The following SGSM2 variants were observed in gnomAD, a reference collection of about 807,000 sequenced individuals.
SGSM2 encodes RUN and TBC1 domain containing 1.
In SGSM2, 89 loss-of-function variants were observed where a neutral mutation model predicts 126.6. The ratio of observed to expected loss-of-function variants is 0.70; its 90% CI spans 0.59 to 0.84. SGSM2 has a LOEUF of 0.84. Among genes scored for constraint, SGSM2 ranks in the 40% least tolerant of loss-of-function variants. The probability of loss-of-function intolerance (pLI) is 0.00; values close to 1 mark genes in which losing one functional copy is unlikely to be tolerated. For synonymous variants in SGSM2, 614 were observed against 574.3 expected (o/e 1.07, Z -0.99); for missense variants, 1,404 against 1,416.6 (o/e 0.99, Z 0.14).
chr17:2,357,009 T>C (rs954958227), intron 2 of SGSM2, among the ~76,000 whole-genome samples: 2 of 151,846 alleles, frequency 1.3e-5, no homozygotes, highest in African/African-American at 2.4e-5. Flanking sequence ...AATGGTGGAA[T>C]TGGGGTGTAA....
At position 2,361,800 on chromosome 17, in the gene SGSM2, G is replaced by A; in HGVS notation, c.296+1G>A. 6.2e-7 allele frequency: 1 copy of A among 1,601,628 alleles called. No individual in the cohort carries two copies. Among genetic ancestry groups the A allele is most frequent in the Non-Finnish European group, 8.5e-7 (1 of 1,174,020 alleles). ...AGCTGCAGCAACAAGCAGAGGGCAG[G>A]TGAGCCCTGGGCCAGCCCCTTCTTC... is the stretch of plus-strand genomic sequence containing the variant. On this transcript the variant is annotated splice_donor_variant, in intron 3 of 23. Transcript: ENST00000268989. LOFTEE classifies it high-confidence loss of function.
At chr17:2,342,741 GC>G (rs897795992) in intron 1 of SGSM2, among the ~76,000 whole-genome samples, 2 of 127,578 alleles carry the variant, frequency 1.6e-5, no homozygotes, top group African/African-American at 5.6e-5. Flanking sequence ...ACTTTGGGAG[GC>G]CGGGCGGGTG....
chr17:2,368,425 C>G (rs1048844114), intron 12 of SGSM2, among the ~76,000 whole-genome samples: 4 of 152,152 alleles, frequency 2.6e-5, no homozygotes, highest in South Asian at 2.1e-4. Context: ...TCCCATGCTA[C>G]AAAATCAATT....
At chr17:2,369,337 CA>C (rs1439389296) in intron 12 of SGSM2, among the ~76,000 whole-genome samples, 1 of 152,182 alleles carries the variant, frequency 6.6e-6, no homozygotes, top group African/African-American at 2.4e-5. Flanking sequence ...CCCCACAGAG[CA>C]GATGCTATTC....
Position 2,372,042 on chromosome 17 carries a change from C to T in SGSM2, c.1578-148C>T. The T allele has an allele frequency of 1.1e-6, 1 of 911,572 alleles. No homozygotes were observed. Among genetic ancestry groups the T allele is most frequent in the South Asian group, 1.5e-5 (1 of 65,960 alleles). The allele number at this position is 911,572 out of a possible 1,614,324, so 56.5% of individuals were successfully genotyped here. On this transcript the variant is annotated intron_variant, in intron 13 of 23. Coordinates refer to ENST00000268989, the MANE Select transcript of SGSM2 (RefSeq NM_014853.3). This position sits in a 1 kb window ranked among gnomAD's most constrained non-coding sequence, Gnocchi z 6.0. ...CAGGTGGCAGGCAGGGACAGGGCAC[C>T]CACTGACGGCTGCTGGGCTGCGGCT...
intron 20 of SGSM2, 52 bp from the exon 21 acceptor site, chr17:2,376,907 C>T: frequency 6.2e-7 from 1 of 1,600,850 alleles, no homozygotes; most frequent in Non-Finnish European, 8.6e-7. Flanking sequence ...TGGGAGCCGG[C>T]TCTGTCCCCT....
At chr17:2,353,338 A>G (rs1041373854) in intron 2 of SGSM2, among the ~76,000 whole-genome samples, 1 of 152,120 alleles carries the variant, frequency 6.6e-6, no homozygotes, top group African/African-American at 2.4e-5. Flanking sequence ...TCTGATTCAC[A>G]CCTAGATTGG....
chr17:2,379,401 C>T (rs1479047342), intron 23 of SGSM2, 31 bp from the exon 24 acceptor site: 3 of 1,593,938 alleles, frequency 1.9e-6, no homozygotes, highest in South Asian at 1.1e-5. Context: ...TTTCTCTGGG[C>T]CTCTCTACAG....
chr17:2,373,467 G>T lies in SGSM2; in HGVS notation c.2054G>T (p.Ser685Ile). The T allele has an allele frequency of 6.3e-7, 1 of 1,599,284 alleles. No individual in the cohort carries two copies. Among genetic ancestry groups the T allele is most frequent in the Non-Finnish European group, 8.5e-7 (1 of 1,176,138 alleles). ...TKFSSGSSID[S>I]HVQRLIHRDS... ...TTCTCCTCAGGCAGCAGCATCGACAGCCACGTGCAGCGCCTCATCCACCGA... is the reference window on the plus strand; with the variant it reads ...TTCTCCTCAGGCAGCAGCATCGACATCCACGTGCAGCGCCTCATCCACCGA... Residue 685 changes from serine to isoleucine, a missense_variant, in exon 17 of 24, where the codon AGC (serine) becomes ATC (isoleucine). Ser to Ile is a moderately radical substitution (Grantham distance 142). Transcript: ENST00000268989.
Position 2,367,212 on chromosome 17 carries a change from C to G in SGSM2, c.1289-59C>G, listed in dbSNP as rs1254548606. 1 of 1,550,354 alleles carries G rather than the reference C, an allele frequency of 6.5e-7. No individual in the cohort carries two copies. The highest frequency in any genetic ancestry group is 2.3e-5 in the East Asian group (1 of 43,398). ...ATTCCACTCCCCTTAAGGAGGGAGTCCGTCCTGCCCAGGGATGAGGGCCTC... is the reference window on the plus strand; with the variant it reads ...ATTCCACTCCCCTTAAGGAGGGAGTGCGTCCTGCCCAGGGATGAGGGCCTC... On this transcript the variant is annotated intron_variant, in intron 11 of 23. Coordinates refer to ENST00000268989, the MANE Select transcript of SGSM2 (RefSeq NM_014853.3). This position sits in a 1 kb window ranked among gnomAD's most constrained non-coding sequence, Gnocchi z 4.0.
chr17:2,366,468 T>C (rs1002298745), intron 11 of SGSM2: 4 of 152,198 alleles, frequency 2.6e-5, no homozygotes, highest in South Asian at 4.1e-4. Context: ...GTCTCTGTAT[T>C]AGGGACCGGA....
chr17:2,360,319 C>T (rs1399887444), intron 2 of SGSM2, among the ~76,000 whole-genome samples: 1 of 152,102 alleles, frequency 6.6e-6, no homozygotes, highest in East Asian at 1.9e-4. Flanking sequence ...TGCACTCCAG[C>T]CTGGGCATCA....
rs2066330742 is a variant in SGSM2, at chr17:2,379,567, G to A, written c.*47G>A. 6.3e-7 allele frequency: 1 copy of A among 1,590,326 alleles called. No homozygotes were observed. The highest frequency in any genetic ancestry group is 8.6e-7 in the Non-Finnish European group (1 of 1,164,478). ...CCGTGCAGAGCCTGGGCTCCGGCAG[G>A]GAGAGGTGCAGGGGAGTCACCGCCC... is the stretch of plus-strand genomic sequence containing the variant. On this transcript the variant is annotated 3_prime_UTR_variant, in exon 24 of 24. Coordinates refer to ENST00000268989, the MANE Select transcript of SGSM2 (RefSeq NM_014853.3).
intron 21 of SGSM2, 22 bp from the exon 22 acceptor site, chr17:2,377,835 T>C (rs752148240): frequency 2.0e-6 from 3 of 1,530,250 alleles, no homozygotes; most frequent in South Asian, 1.1e-5. Flanking sequence ...TCAGCCTCTC[T>C]CCCTTTTCCC....
chr17:2,371,499 C>T (rs2065870934), intron 13 of SGSM2, 84 bp downstream of exon 13: 1 of 1,470,554 alleles, frequency 6.8e-7, no homozygotes, highest in Non-Finnish European at 9.1e-7. Context: ...GCCGTGTCAC[C>T]TGCACGACAG....
rs2066108615 is a variant in SGSM2 at position 2,375,765 on chromosome 17, C to G, written c.2374C>G (p.Pro792Ala). The G allele has an allele frequency of 1.3e-6, 2 of 1,598,166 alleles. No homozygotes were observed. Among genetic ancestry groups the G allele is most frequent in the Non-Finnish European group, 1.7e-6 (2 of 1,170,756 alleles). Residue 792 changes from proline (P) to alanine (A), a missense_variant, in exon 18 of 24, where the codon CCT (proline) becomes GCT (alanine). By Grantham distance (27) the Pro-to-Ala change is conservative (BLOSUM62 -1). Coordinates refer to ENST00000268989, the MANE Select transcript of SGSM2 (RefSeq NM_014853.3). ...GGAGGAAGGCTCCAGTGGGCCCGGC[C>G]CTGCAGCTCACACTTTGAGGGAGCC... ...GGEEGSSGPGPAAHTLREPQD... is the reference protein window; with the variant it reads ...GGEEGSSGPGAAAHTLREPQD...
intron 2 of SGSM2, among the ~76,000 whole-genome samples, chr17:2,346,548 G>A (rs1217520643): frequency 1.3e-5 from 2 of 152,228 alleles, no homozygotes; most frequent in Non-Finnish European, 2.9e-5. Context: ...GGACTGGCTA[G>A]AAAATTGCTT....
intron 13 of SGSM2, chr17:2,371,751 C>T (rs1196311336): frequency 5.1e-6 from 2 of 390,112 alleles, no homozygotes; most frequent in African/African-American, 4.2e-5. Flanking sequence ...GCTCCCCTTC[C>T]CGATGTGCAC....
chr17:2,340,868 G>C (rs971021623), intron 1 of SGSM2, among the ~76,000 whole-genome samples: 1 of 152,226 alleles, frequency 6.6e-6, no homozygotes, highest in African/African-American at 2.4e-5. Flanking sequence ...ATAGTCGTGA[G>C]CCACCACGCC....
Sources: gnomAD v4.1 joint callset for allele counts (sites outside exome capture counted in the v4.1 genomes callset) on GRCh38, gnomAD v4.1.1 for gene constraint, Gnocchi (gnomAD v3.1) non-coding constraint, MANE v1.5 for transcripts, NCBI Gene and HGNC (gene_info 2026-07-23, HGNC 2026-07-21) for gene names.